The following MGAT4C variants were observed in gnomAD, a reference collection of about 807,000 sequenced individuals.
MGAT4C encodes the protein alpha-1,3-mannosyl-glycoprotein 4-beta-N-acetylglucosaminyltransferase C.
A neutral mutation model predicts 40.1 loss-of-function variants in MGAT4C; 19 were observed. The observed-to-expected ratio is 0.47, with a 90% CI of 0.33 to 0.70. MGAT4C has a LOEUF of 0.70. MGAT4C is among the 30% of genes least tolerant of loss of function. MGAT4C has a pLI of 0.02. For missense variants in MGAT4C, 491 were observed against 563.2 expected, an observed-to-expected ratio of 0.87 and a Z score of 1.30; for synonymous variants, 181 against 187.1, an observed-to-expected ratio of 0.97 and a Z score of 0.27.
chr12:86,834,792 CG>C (rs1351305450), intron 1 of MGAT4C, among the ~76,000 whole-genome samples: 2 of 151,800 alleles, frequency 1.3e-5, no homozygotes, highest in African/African-American at 4.8e-5. Context: ...GGTGTGTAGG[CG>C]GGTTGTAGGT....
chr12:86,046,266 C>G (rs549795975), intron 2 of MGAT4C, among the ~76,000 whole-genome samples: 57 of 152,260 alleles, frequency 3.7e-4, no homozygotes, highest in African/African-American at 1.3e-3. Context: ...CTCATGAGTT[C>G]AAGCTGACTT....
At chr12:86,487,496 A>T (rs1958040729) in intron 2 of MGAT4C, among the ~76,000 whole-genome samples, 1 of 152,196 alleles carries the variant, frequency 6.6e-6, no homozygotes, top group African/African-American at 2.4e-5. Context: ...ACCAATTTAG[A>T]AAACAAGTAT....
intron 2 of MGAT4C, among the ~76,000 whole-genome samples, chr12:86,598,045 A>C (rs890774172): frequency 2.0e-5 from 3 of 152,086 alleles, no homozygotes; most frequent in African/African-American, 7.2e-5. Flanking sequence ...TATCCTTTAT[A>C]CTTTACTTTT....
intron 4 of MGAT4C, among the ~76,000 whole-genome samples, chr12:86,333,719 TA>T (rs1252049375): frequency 1.3e-5 from 2 of 152,074 alleles, no homozygotes; most frequent in Non-Finnish European, 2.9e-5. Context: ...TAAATTATGT[TA>T]AAAAAAGGCA....
At chr12:86,800,007 T>C (rs1293261532) in intron 1 of MGAT4C, among the ~76,000 whole-genome samples, 2 of 151,898 alleles carry the variant, frequency 1.3e-5, no homozygotes, top group Non-Finnish European at 2.9e-5. Context: ...GTGACACAAA[T>C]GTAAAATCTT....
At chr12:86,298,848 T>C (rs59690693) in intron 4 of MGAT4C, among the ~76,000 whole-genome samples, 10,714 of 152,132 alleles carry the variant, frequency 0.07, 911 homozygotes, top group East Asian at 0.25. Flanking sequence ...AGTATATCTA[T>C]ACCAATCACT....
intron 1 of MGAT4C, among the ~76,000 whole-genome samples, chr12:86,071,240 G>C (rs1052910443): frequency 4.6e-5 from 7 of 151,910 alleles, no homozygotes; most frequent in Non-Finnish European, 1.0e-4. Flanking sequence ...AAAAAATATA[G>C]ATCCAAAATG....
At chr12:86,064,068 A>T (rs528866710) in intron 1 of MGAT4C, among the ~76,000 whole-genome samples, 1 of 152,240 alleles carries the variant, frequency 6.6e-6, no homozygotes, top group Admixed American at 6.5e-5. Context: ...CATCTACAGA[A>T]CTCTGGACCC....
At chr12:86,313,434 A>G (rs755605658) in intron 4 of MGAT4C, among the ~76,000 whole-genome samples, 12 of 152,222 alleles carry the variant, frequency 7.9e-5, no homozygotes, top group Non-Finnish European at 1.3e-4. Flanking sequence ...AGTAACTCAT[A>G]TGCTGATTAC....
intron 1 of MGAT4C, among the ~76,000 whole-genome samples, chr12:86,162,655 T>A (rs1593113491): frequency 6.6e-6 from 1 of 152,210 alleles, no homozygotes; most frequent in South Asian, 2.1e-4. Flanking sequence ...AAGTAAAAAT[T>A]ATAATAATAA....
At chr12:86,578,462 G>A (rs919619815) in intron 2 of MGAT4C, among the ~76,000 whole-genome samples, 1 of 151,914 alleles carries the variant, frequency 6.6e-6, no homozygotes, top group South Asian at 2.1e-4. Context: ...TTCTTTACAT[G>A]TTTGGTAGAA....
At chr12:86,506,619 T>C (rs1414909449) in intron 2 of MGAT4C, among the ~76,000 whole-genome samples, 3 of 152,226 alleles carry the variant, frequency 2.0e-5, no homozygotes, top group Admixed American at 6.5e-5. Context: ...ATTTGTGGTT[T>C]ATTACATATA....
intron 2 of MGAT4C, among the ~76,000 whole-genome samples, chr12:86,014,683 G>A (rs1392620904): frequency 6.6e-6 from 1 of 152,140 alleles, no homozygotes; most frequent in Non-Finnish European, 1.5e-5. Flanking sequence ...ATTGGGGGAA[G>A]AAACCTAATG....
At chr12:86,706,492 A>C (rs1317997628) in intron 2 of MGAT4C, among the ~76,000 whole-genome samples, 1 of 152,144 alleles carries the variant, frequency 6.6e-6, no homozygotes, top group Non-Finnish European at 1.5e-5. Context: ...TCCAGGGCTC[A>C]AGAAATCCTC....
chr12:86,172,013 G>A (rs931820859), intron 1 of MGAT4C, among the ~76,000 whole-genome samples: 1 of 152,154 alleles, frequency 6.6e-6, no homozygotes, highest in East Asian at 1.9e-4. Context: ...TCTGCCTGTG[G>A]TGAGTATGAG....
chr12:86,838,778 T>C (rs958407632), exon 1 of MGAT4C: 3 of 152,222 alleles, frequency 2.0e-5, no homozygotes, highest in Non-Finnish European at 4.4e-5. Context: ...CTGGGCTCAG[T>C]TCTCCAGAAG....
In MGAT4C at chr12:86,020,566, A is replaced by G. The variant is rs145274902; in HGVS notation, c.-7+29108T>C. Among the ~76,000 whole-genome samples, 370 of 152,322 alleles carry G rather than the reference A, an allele frequency of 2.4e-3. 1 individual carries two copies. Among genetic ancestry groups the G allele is most frequent in the African/African-American group, 8.6e-3 (357 of 41,582 alleles). On this transcript the variant is annotated intron_variant, in intron 2 of 4. Coordinates refer to ENST00000611864, the MANE Select transcript of MGAT4C (RefSeq NM_001351288.2). ...AGCTGAAACTGGATCCCTTCCTTAC[A>G]CTTTACACAAACATTAATTCAAGAT...
In MGAT4C at chr12:85,975,359, A is replaced by G. The variant is rs1034118485; in HGVS notation, c.*3930T>C. 8 of 151,024 alleles carry G rather than the reference A, an allele frequency of 5.3e-5. No homozygotes were observed. Among genetic ancestry groups the G allele is most frequent in the Non-Finnish European group, 1.0e-4 (7 of 67,178 alleles). The allele number at this position is 151,024 out of a possible 1,614,324, so 9.4% of individuals were successfully genotyped here. Reference sequence around the variant, plus strand: ...CGTGACATGGATAAAAAGGAAACAAATATTTATTGTGTGCCTAGTTTATGT... The same window carrying G: ...CGTGACATGGATAAAAAGGAAACAAGTATTTATTGTGTGCCTAGTTTATGT... On this transcript the variant is annotated 3_prime_UTR_variant, in exon 5 of 5. Coordinates refer to ENST00000611864, the MANE Select transcript of MGAT4C (RefSeq NM_001351288.2).
intron 1 of MGAT4C, among the ~76,000 whole-genome samples, chr12:86,194,618 C>A (rs1308546936): frequency 6.8e-6 from 1 of 147,168 alleles, no homozygotes. Flanking sequence ...CCATGCCCAA[C>A]TAATTTTTTT....
Sources: allele counts gnomAD v4.1 joint callset (sites outside exome capture counted in the v4.1 genomes callset), GRCh38; gene constraint gnomAD v4.1.1; transcripts MANE v1.5; gene names NCBI Gene and HGNC (gene_info 2026-07-23, HGNC 2026-07-21).